The following AGFG1 variants were observed in gnomAD, a reference collection of about 807,000 sequenced individuals.
AGFG1 encodes the protein arf-GAP domain and FG repeat-containing protein 1.
Under a neutral mutation model 60.6 loss-of-function variants are expected in AGFG1, and 10 were observed. The observed-to-expected ratio is 0.16, with a 90% CI of 0.10 to 0.28. AGFG1 has a LOEUF of 0.28. Among genes scored for constraint, AGFG1 ranks in the 10% least tolerant of loss-of-function variants. The pLI is 1.00. For synonymous variants in AGFG1, 247 were observed against 242.9 expected, an observed-to-expected ratio of 1.02 and a Z score of -0.16; for missense variants, 537 against 676.5, an observed-to-expected ratio of 0.79 and a Z score of 2.29.
chr2:227,552,268 G>A, intron 11 of AGFG1, 151 bp downstream of exon 11: 1 of 1,028,744 alleles, frequency 9.7e-7, no homozygotes, highest in Non-Finnish European at 1.3e-6. Flanking sequence ...TTGGTGATTT[G>A]GACCTCAGAA....
At chr2:227,485,777 C>T (rs1439900476) in intron 1 of AGFG1, among the ~76,000 whole-genome samples, 4 of 151,916 alleles carry the variant, frequency 2.6e-5, no homozygotes, top group Non-Finnish European at 5.9e-5. Flanking sequence ...TTAAATTTGC[C>T]TCATTCTGAT....
intron 2 of AGFG1, among the ~76,000 whole-genome samples, chr2:227,511,066 T>TATATTATCC (rs1348657360): frequency 3.3e-5 from 5 of 152,218 alleles, no homozygotes; most frequent in Admixed American, 3.3e-4. Context: ...CTTTTTCTCC[T>TATATTATCC]ATATTATCAA....
Position 227,557,035 on chromosome 2 carries a change from T to G in AGFG1, c.*2540T>G, listed in dbSNP as rs887632281. On this transcript the variant is annotated 3_prime_UTR_variant, in exon 13 of 13. Transcript: ENST00000310078. ...TCAGCTTTCGTTAGACTTTTACATTTAGATTTATTCTAGTTTTATATAGAC... is the reference window on the plus strand; with the variant it reads ...TCAGCTTTCGTTAGACTTTTACATTGAGATTTATTCTAGTTTTATATAGAC... The G allele has an allele frequency of 1.4e-5, 2 of 148,036 alleles. No individual in the cohort carries two copies. The highest frequency in any genetic ancestry group is 3.0e-5 in the Non-Finnish European group (2 of 65,642). The allele number at this position is 148,036 out of a possible 1,614,324, so 9.2% of individuals were successfully genotyped here.
chr2:227,494,194 G>A (rs4254497), intron 2 of AGFG1, among the ~76,000 whole-genome samples: 91,371 of 151,518 alleles, frequency 0.6, 27,528 homozygotes, highest in South Asian at 0.7. Flanking sequence ...ATGAAGATAC[G>A]AAGTGTGGGA....
chr2:227,538,183 A>C (rs1258877197), intron 10 of AGFG1, among the ~76,000 whole-genome samples: 1 of 152,202 alleles, frequency 6.6e-6, no homozygotes, highest in African/African-American at 2.4e-5. Flanking sequence ...AAAATGTCTC[A>C]TGATACAATG....
intron 1 of AGFG1, among the ~76,000 whole-genome samples, chr2:227,474,243 T>C (rs557419404): frequency 6.6e-6 from 1 of 152,328 alleles, no homozygotes; most frequent in African/African-American, 2.4e-5. Flanking sequence ...CAATTGTAAT[T>C]GTATTTGATT....
At chr2:227,480,531 C>T (rs948714594) in intron 1 of AGFG1, among the ~76,000 whole-genome samples, 14 of 151,944 alleles carry the variant, frequency 9.2e-5, no homozygotes, top group African/African-American at 3.1e-4. Flanking sequence ...TCCCTGGTAG[C>T]TGGGATTACA....
At chr2:227,550,811 A>AT (rs1692796040) in intron 10 of AGFG1, among the ~76,000 whole-genome samples, 1 of 152,206 alleles carries the variant, frequency 6.6e-6, no homozygotes, top group Non-Finnish European at 1.5e-5. Flanking sequence ...GCCTTAAATC[A>AT]ATGAACAAAT....
intron 10 of AGFG1, among the ~76,000 whole-genome samples, chr2:227,539,515 G>C (rs1692416978): frequency 6.6e-6 from 1 of 151,560 alleles, no homozygotes; most frequent in Admixed American, 6.6e-5. Context: ...AGCACTTTGG[G>C]ATGCCGAGGT....
At chr2:227,472,910 C>A (rs937469968) in intron 1 of AGFG1, among the ~76,000 whole-genome samples, 5 of 151,358 alleles carry the variant, frequency 3.3e-5, no homozygotes, top group Non-Finnish European at 7.4e-5. Flanking sequence ...CTCCGTCGAG[C>A]CTGCGGCCGC....
intron 2 of AGFG1, among the ~76,000 whole-genome samples, chr2:227,495,765 G>C (rs1000757263): frequency 6.6e-6 from 1 of 151,932 alleles, no homozygotes; most frequent in Non-Finnish European, 1.5e-5. Flanking sequence ...ATGTTTTCTA[G>C]TTGTAAGTTA....
At chr2:227,472,702 T>TCGGGGGCGGCCGTTGGGCGCCGGCTGG in intron 1 of AGFG1, 114 bp downstream of exon 1, 1 of 1,215,418 alleles carries the variant, frequency 8.2e-7, no homozygotes, top group Non-Finnish European at 1.1e-6. Context: ...TGGGAGGCGG[T>TCGGGGGCGGCCGTTGGGCGCCGGCTGG]CGGGGGCGGC....
chr2:227,534,062 G>A (rs1308579536), intron 7 of AGFG1, among the ~76,000 whole-genome samples: 2 of 151,966 alleles, frequency 1.3e-5, no homozygotes, highest in Non-Finnish European at 2.9e-5. Context: ...AACCCCATTG[G>A]CAGAGCTGAA....
At chr2:227,485,076 A>G (rs1029554187) in intron 1 of AGFG1, among the ~76,000 whole-genome samples, 3 of 152,052 alleles carry the variant, frequency 2.0e-5, no homozygotes, top group African/African-American at 7.2e-5. Flanking sequence ...CTTCAAACAT[A>G]GCTTTGCTGG....
intron 2 of AGFG1, among the ~76,000 whole-genome samples, chr2:227,497,854 C>T (rs552432986): frequency 6.7e-6 from 1 of 148,498 alleles, no homozygotes; most frequent in South Asian, 2.1e-4. Flanking sequence ...AAGTGATTCT[C>T]CTGCCTCAGC....
intron 2 of AGFG1, among the ~76,000 whole-genome samples, chr2:227,501,377 A>G (rs570558811): frequency 3.0e-4 from 46 of 152,320 alleles, no homozygotes; most frequent in Admixed American, 1.9e-3. Flanking sequence ...CATTGGGCCT[A>G]ACCCAGTATA....
rs1388966396 is a variant in AGFG1 at position 227,551,222 on chromosome 2, C to G, written c.1379-737C>G. Among the ~76,000 whole-genome samples the G allele has an allele frequency of 2.6e-5, 4 of 152,328 alleles. No homozygotes were observed. In the East Asian group the frequency reaches 7.7e-4, roughly 29 times the overall value. On this transcript the variant is annotated intron_variant, in intron 10 of 12. Coordinates refer to ENST00000310078, the MANE Select transcript of AGFG1 (RefSeq NM_004504.5). ...TAGGAATGCTTATTTCACTTCTAAT[C>G]TTTATGGATTTCACACTAATTTCGA...
intron 8 of AGFG1, among the ~76,000 whole-genome samples, 163 bp downstream of exon 8, chr2:227,535,188 T>C (rs1287589441): frequency 6.6e-6 from 1 of 152,222 alleles, no homozygotes; most frequent in Non-Finnish European, 1.5e-5. Context: ...AATATAATCC[T>C]TGAATAATTG....
At chr2:227,549,553 T>C (rs1692758216) in intron 10 of AGFG1, among the ~76,000 whole-genome samples, 1 of 152,256 alleles carries the variant, frequency 6.6e-6, no homozygotes, top group Admixed American at 6.5e-5. Context: ...TAATAATTTT[T>C]CCCTTGTAAT....
Sources: gnomAD v4.1 joint callset for allele counts (sites outside exome capture counted in the v4.1 genomes callset) on GRCh38, gnomAD v4.1.1 for gene constraint, MANE v1.5 for transcripts, NCBI Gene and HGNC (gene_info 2026-07-23, HGNC 2026-07-21) for gene names.